The following TRPC6 variants were observed in gnomAD, a reference collection of about 807,000 sequenced individuals.
TRPC6 encodes short transient receptor potential channel 6.
Under a neutral mutation model 90.7 loss-of-function variants are expected in TRPC6, and 55 were observed. The observed-to-expected ratio is 0.61, with a 90% CI of 0.49 to 0.76. The LOEUF (loss-of-function observed/expected upper bound fraction) is 0.76, where lower values mean the gene tolerates loss of function less well. Ranked by LOEUF, TRPC6 falls within the 30% of genes least tolerant of loss-of-function variation. TRPC6 has a pLI of 0.00. For missense variants in TRPC6, 989 were observed against 1,122.7 expected (o/e 0.88, Z 1.70); for synonymous variants, 393 against 393.0 (o/e 1.00, Z 0.00).
chr11:101,471,628 TGATA>T (rs1859294019), intron 8 of TRPC6, among the ~76,000 whole-genome samples: 1 of 152,218 alleles, frequency 6.6e-6, no homozygotes, highest in South Asian at 2.1e-4. Flanking sequence ...TATAAATACC[TGATA>T]GATATAAATG....
At chr11:101,481,446 A>G (rs922200319) in intron 5 of TRPC6, among the ~76,000 whole-genome samples, 3 of 152,178 alleles carry the variant, frequency 2.0e-5, no homozygotes, top group African/African-American at 7.2e-5. Context: ...TCTATTACCG[A>G]ATGGACATTT....
At chr11:101,470,774 T>C (rs1216859395) in intron 9 of TRPC6, among the ~76,000 whole-genome samples, 3 of 150,536 alleles carry the variant, frequency 2.0e-5, no homozygotes, top group African/African-American at 4.9e-5. Context: ...CTTTTCAATG[T>C]AGAAGCTATC....
intron 5 of TRPC6, among the ~76,000 whole-genome samples, chr11:101,479,774 T>C (rs1216025160): frequency 6.6e-6 from 1 of 152,234 alleles, no homozygotes; most frequent in Non-Finnish European, 1.5e-5. Context: ...ATACAAAGGC[T>C]GGTGGGACAA....
intron 1 of TRPC6, among the ~76,000 whole-genome samples, chr11:101,522,121 TA>T (rs1351431796): frequency 1.3e-5 from 2 of 152,124 alleles, no homozygotes; most frequent in Non-Finnish European, 2.9e-5. Flanking sequence ...TGGGAGGGGC[TA>T]GGGGCAGAAT....
chr11:101,574,923 A>C (rs4604837), intron 1 of TRPC6, among the ~76,000 whole-genome samples: 50 of 152,084 alleles, frequency 3.3e-4, no homozygotes, highest in African/African-American at 1.2e-3. Flanking sequence ...TTTTTTGTGA[A>C]GGTTTTGTGC....
At chr11:101,531,791 TCTA>T (rs1430381393) in intron 1 of TRPC6, among the ~76,000 whole-genome samples, 1 of 152,352 alleles carries the variant, frequency 6.6e-6, no homozygotes, top group East Asian at 1.9e-4. Context: ...TTTTGTATCT[TCTA>T]TAACCAATCG....
In TRPC6 at chr11:101,503,834, T is replaced by A. The variant is rs114062330; in HGVS notation, c.945+190A>T. ...TAAATGCAAAATGTCTGGCAGACAG[T>A]AGAGCATCACTAAATGGTAGCGATC... On this transcript the variant is annotated intron_variant, in intron 2 of 12. Coordinates refer to ENST00000344327, the MANE Select transcript of TRPC6 (RefSeq NM_004621.6). Among the ~76,000 whole-genome samples, 518 of 152,322 alleles carry A rather than the reference T, an allele frequency of 3.4e-3. 3 individuals are homozygous for A. Among genetic ancestry groups the A allele is most frequent in the African/African-American group, 0.011 (467 of 41,572 alleles).
intron 2 of TRPC6, 53 bp from the exon 3 acceptor site, chr11:101,491,791 T>G (rs1430731078): frequency 6.7e-7 from 1 of 1,487,790 alleles, no homozygotes; most frequent in African/African-American, 1.4e-5. Flanking sequence ...CACGTTTTAC[T>G]ATGCTTCAGA....
At chr11:101,466,915 C>A (rs570416212) in intron 10 of TRPC6, among the ~76,000 whole-genome samples, 1 of 152,330 alleles carries the variant, frequency 6.6e-6, no homozygotes, top group Non-Finnish European at 1.5e-5. Flanking sequence ...AGCACAGTAT[C>A]TGGGTCAGAA....
At chr11:101,508,136 C>A (rs1860316384) in intron 1 of TRPC6, among the ~76,000 whole-genome samples, 1 of 151,976 alleles carries the variant, frequency 6.6e-6, no homozygotes, top group South Asian at 2.1e-4. Context: ...TTTTTCTTCT[C>A]TCTCTGGGGA....
At chr11:101,556,496 C>T (rs1169813734) in intron 1 of TRPC6, among the ~76,000 whole-genome samples, 1 of 152,064 alleles carries the variant, frequency 6.6e-6, no homozygotes. Flanking sequence ...CCCGCCAAGA[C>T]TGAATCATGA....
chr11:101,491,807 G>T, intron 2 of TRPC6, 69 bp from the exon 3 acceptor site: 12 of 1,124,370 alleles, frequency 1.1e-5, no homozygotes, highest in East Asian at 2.6e-5. Context: ...TCAGAGACTT[G>T]AAGGATTTTA....
At chr11:101,582,883 G>A (rs1004088374) in intron 1 of TRPC6, among the ~76,000 whole-genome samples, 2 of 152,086 alleles carry the variant, frequency 1.3e-5, no homozygotes, top group South Asian at 2.1e-4. Context: ...CAGCACCCAG[G>A]CAGCTCCAAC....
rs540377315 is a variant in TRPC6, at chr11:101,495,589, GTAATTATTATTA to G, written c.946-3863_946-3852del. Among the ~76,000 whole-genome samples, 547 of 137,350 alleles carry G rather than the reference GTAATTATTATTA, an allele frequency of 4.0e-3. 2 individuals are homozygous for G. Among genetic ancestry groups the G allele is most frequent in the African/African-American group, 0.015 (524 of 36,072 alleles). The allele number at this position is 137,350 out of a possible 152,430, so 90.1% of individuals were successfully genotyped here. A position where few individuals can be genotyped will look rare whatever the true frequency, so the allele number is the denominator to read the frequency against. Reference sequence around the variant, plus strand: ...TGGCACAGGGTAGTGCAGATCAATGGTAATTATTATTATTATTATTATTATTATTATTATTAT... The same window carrying G: ...TGGCACAGGGTAGTGCAGATCAATGGTTATTATTATTATTATTATTATTAT... On this transcript the variant is annotated intron_variant, in intron 2 of 12. Transcript: ENST00000344327.
At chr11:101,506,106 G>A (rs6590874) in intron 1 of TRPC6, among the ~76,000 whole-genome samples, 69,721 of 151,516 alleles carry the variant, frequency 0.46, 16,423 homozygotes, top group African/African-American at 0.55. Flanking sequence ...TCATAACTTC[G>A]TGTCTTAAGG....
At chr11:101,558,298 T>C (rs532280792) in intron 1 of TRPC6, among the ~76,000 whole-genome samples, 1,621 of 86,772 alleles carry the variant, frequency 0.019, 79 homozygotes, top group Non-Finnish European at 0.026. Flanking sequence ...TACATGTATA[T>C]GGGTATACAT....
At chr11:101,573,598 A>G (rs906984381) in intron 1 of TRPC6, among the ~76,000 whole-genome samples, 2 of 152,160 alleles carry the variant, frequency 1.3e-5, no homozygotes, top group African/African-American at 4.8e-5. Flanking sequence ...GATCATAAAC[A>G]ATACTGTTTG....
chr11:101,545,754 A>G (rs1413994615), intron 1 of TRPC6, among the ~76,000 whole-genome samples: 3 of 152,154 alleles, frequency 2.0e-5, no homozygotes, highest in Non-Finnish European at 4.4e-5. Context: ...GATGATGGAG[A>G]GGGCTTTATC....
intron 1 of TRPC6, among the ~76,000 whole-genome samples, chr11:101,575,196 T>G (rs1355448980): frequency 6.6e-6 from 1 of 152,204 alleles, no homozygotes; most frequent in Non-Finnish European, 1.5e-5. Flanking sequence ...AGCAGTTTTA[T>G]CCACATGATG....
Sources: allele counts gnomAD v4.1 joint callset (sites outside exome capture counted in the v4.1 genomes callset), GRCh38; gene constraint gnomAD v4.1.1; transcripts MANE v1.5; gene names NCBI Gene and HGNC (gene_info 2026-07-23, HGNC 2026-07-21).